The following ACSM4 variants were observed in gnomAD, a reference collection of about 807,000 sequenced individuals.
ACSM4 encodes acyl-coenzyme A synthetase ACSM4, mitochondrial.
A neutral mutation model predicts 73.0 loss-of-function variants in ACSM4; 66 were observed. The ratio of observed to expected loss-of-function variants is 0.90; its 90% CI spans 0.74 to 1.11. The LOEUF is 1.11. Among genes scored for constraint, ACSM4 ranks in the 50% least tolerant of loss-of-function variants. The probability of loss-of-function intolerance (pLI) is 0.00; values close to 1 mark genes in which losing one functional copy is unlikely to be tolerated. For synonymous variants in ACSM4, 222 were observed against 254.0 expected (o/e 0.87, Z 1.20); for missense variants, 645 against 714.4 (o/e 0.90, Z 1.11).
chr12:7,316,671 A>G (rs1946422534), intron 3 of ACSM4, among the ~76,000 whole-genome samples: 1 of 152,240 alleles, frequency 6.6e-6, no homozygotes, highest in Admixed American at 6.5e-5. Flanking sequence ...TGCCGCAGAT[A>G]TTGAAGATAC....
intron 3 of ACSM4, among the ~76,000 whole-genome samples, chr12:7,313,892 A>G (rs947099393): frequency 2.0e-5 from 3 of 152,180 alleles, no homozygotes; most frequent in African/African-American, 7.2e-5. Flanking sequence ...CTTAAAATTG[A>G]CCCTGTAAGC....
At chr12:7,319,786 G>A (rs1469259805) in intron 5 of ACSM4, among the ~76,000 whole-genome samples, 1 of 152,122 alleles carries the variant, frequency 6.6e-6, no homozygotes, top group Admixed American at 6.5e-5. Flanking sequence ...TCTACATCAG[G>A]TTTACAAAGT....
chr12:7,306,676 C>G lies in ACSM4; in HGVS notation c.345C>G (p.Asp115Glu), dbSNP rs199557461. 1 of 1,611,112 alleles carries G rather than the reference C, an allele frequency of 6.2e-7. No individual in the cohort carries two copies. Among genetic ancestry groups the G allele is most frequent in the Non-Finnish European group, 8.5e-7 (1 of 1,178,910 alleles). ...LTKPCGLQRG[D>E]RLAVILPRIP... ...AGCCCTGTGGCCTGCAGAGAGGAGACCGTTTGGCCGTGATTCTGCCCAGAA... is the reference window on the plus strand; with the variant it reads ...AGCCCTGTGGCCTGCAGAGAGGAGAGCGTTTGGCCGTGATTCTGCCCAGAA... The change falls in exon 2 of 13, where the codon GAC becomes GAG. Residue 115 changes from aspartate to glutamate, a missense_variant. Transcript: ENST00000399422.
At chr12:7,305,138 A>C (rs1461121218) in intron 1 of ACSM4, among the ~76,000 whole-genome samples, 1 of 152,212 alleles carries the variant, frequency 6.6e-6, no homozygotes, top group African/African-American at 2.4e-5. Context: ...CTTCCTGTTA[A>C]ATACAGGGGG....
At chr12:7,317,083 G>C in intron 3 of ACSM4, 54 bp from the exon 4 acceptor site, 1 of 1,565,034 alleles carries the variant, frequency 6.4e-7, no homozygotes, top group East Asian at 2.3e-5. Context: ...GGAAATATCA[G>C]AGTCAAACTG....
Position 7,306,562 on chromosome 12 carries a change from G to C in ACSM4, c.231G>C (p.Leu77=). 6.2e-7 allele frequency: 1 copy of C among 1,600,116 alleles called. No homozygotes were observed. The highest frequency in any genetic ancestry group is 8.5e-7 in the Non-Finnish European group (1 of 1,173,366). The change falls in exon 2 of 13, where the codon CTG becomes CTC. Residue 77 remains leucine, a synonymous_variant. Coordinates refer to ENST00000399422, the MANE Select transcript of ACSM4 (RefSeq NM_001080454.2). ...GGGAGAGACCAGCTAACCCAGCCCT[G>C]TGGTGGGTGAATGGCAAAGGGGATG... The part of the protein sequence containing the change: ...KTGERPANPA[L]WWVNGKGDEV...
At position 7,304,424 on chromosome 12, in the gene ACSM4, G is replaced by C. The variant is rs375279754; in HGVS notation, c.93G>C (p.Thr31=). Residue 31 remains threonine (T), a synonymous_variant, in exon 1 of 13, where the codon ACG becomes ACC. Coordinates refer to ENST00000399422, the MANE Select transcript of ACSM4 (RefSeq NM_001080454.2). ...TACACAAAGATCACCAGCTTTGGAC[G>C]CCTCTGACTCTTGCTGACTTTGAAG... ...RRLHKDHQLW[T]PLTLADFEAI... is the part of the protein sequence containing the mutation. 6.2e-7 allele frequency: 1 copy of C among 1,613,828 alleles called. No homozygotes were observed. Among genetic ancestry groups the C allele is most frequent in the African/African-American group, 1.3e-5 (1 of 74,910 alleles).
rs1946434204 is a variant in ACSM4, at chr12:7,318,018, T to C, written c.765-8T>C. The C allele has an allele frequency of 6.2e-7, 1 of 1,609,336 alleles. No homozygotes were observed. The highest frequency in any genetic ancestry group is 8.5e-7 in the Non-Finnish European group (1 of 1,177,574). ...TGGTCTGTTTTGTTGCTTTTTCATA[T>C]CATTTAGGTATTGGCTGGACTTGAA... On this transcript the variant is annotated splice_polypyrimidine_tract_variant and splice_region_variant and intron_variant, in intron 4 of 12. Coordinates refer to ENST00000399422, the MANE Select transcript of ACSM4 (RefSeq NM_001080454.2).
rs775387570 is a variant in ACSM4 at position 7,306,755 on chromosome 12, T to A, written c.412+12T>A. The stretch of plus-strand genomic sequence containing the variant: ...TTGCATACGAACAGGTCAGTGCCAA[T>A]ATTAGCATTCTAAATCACACAAACA... On this transcript the variant is annotated intron_variant, in intron 2 of 12. Transcript: ENST00000399422. The A allele has an allele frequency of 2.8e-5, 44 of 1,597,144 alleles. No individual in the cohort carries two copies. In the Admixed American group the frequency reaches 5.0e-4, roughly 18 times the overall value.
At chr12:7,323,885 T>A (rs986409367) in intron 9 of ACSM4, among the ~76,000 whole-genome samples, 1 of 152,150 alleles carries the variant, frequency 6.6e-6, no homozygotes, top group Admixed American at 6.6e-5. Flanking sequence ...TTTAAAAAAA[T>A]TTAATTTCCA....
At chr12:7,319,472 T>C (rs1442162134) in intron 5 of ACSM4, among the ~76,000 whole-genome samples, 1 of 151,454 alleles carries the variant, frequency 6.6e-6, no homozygotes, top group Non-Finnish European at 1.5e-5. Flanking sequence ...GTGCCTGTAA[T>C]CCCAGCTACT....
chr12:7,310,692 T>C lies in ACSM4; in HGVS notation c.566T>C (p.Leu189Pro). Reference sequence around the variant, plus strand: ...GAGTGTCCTGACCTTAAGACAAAACTCCTGGTGTCTCCACAAAGCTGGAAT... The same window carrying C: ...GAGTGTCCTGACCTTAAGACAAAACCCCTGGTGTCTCCACAAAGCTGGAAT... ...VLECPDLKTK[L>P]LVSPQSWNGW... Residue 189 changes from leucine to proline, a missense_variant, in exon 3 of 13, where the codon CTC (leucine) becomes CCC (proline). Physicochemically the swap from Leu to Pro is moderately conservative, Grantham distance 98. Coordinates refer to ENST00000399422, the MANE Select transcript of ACSM4 (RefSeq NM_001080454.2). The C allele has an allele frequency of 1.2e-6, 2 of 1,613,506 alleles. No homozygotes were observed. Among genetic ancestry groups the C allele is most frequent in the Non-Finnish European group, 8.5e-7 (1 of 1,179,746 alleles).
At position 7,304,168 on chromosome 12, in the gene ACSM4, GAGGTGTTTTTC is replaced by G; in HGVS notation, c.-156_-146del. 1 of 679,098 alleles carries G rather than the reference GAGGTGTTTTTC, an allele frequency of 1.5e-6. No homozygotes were observed. Among genetic ancestry groups the G allele is most frequent in the South Asian group, 1.8e-5 (1 of 54,862 alleles). The allele number at this position is 679,098 out of a possible 1,614,324, so 42.1% of individuals were successfully genotyped here. On this transcript the variant is annotated 5_prime_UTR_variant, in exon 1 of 13. The change abolishes the stop of an existing upstream ORF in the 5' untranslated region. Transcript: ENST00000399422. ...TAAGGCAGCAGCTCTGAGGAAGGATGAGGTGTTTTTCAGGTGTTCCCCAACTTGCCAGGGAC... is the reference window on the plus strand; with the variant it reads ...TAAGGCAGCAGCTCTGAGGAAGGATGAGGTGTTCCCCAACTTGCCAGGGAC...
rs754819483 is a variant in ACSM4 at position 7,323,568 on chromosome 12, G to T, written c.1308+8G>T. 1 of 1,606,584 alleles carries T rather than the reference G, an allele frequency of 6.2e-7. No homozygotes were observed. The highest frequency in any genetic ancestry group is 8.5e-7 in the Non-Finnish European group (1 of 1,173,308). Reference sequence around the variant, plus strand: ...TTCTTCTCTAAATATGTGGTATGAGGATAGAAAGTGCTGGTCATGCTTAAT... The same window carrying T: ...TTCTTCTCTAAATATGTGGTATGAGTATAGAAAGTGCTGGTCATGCTTAAT... On this transcript the variant is annotated splice_region_variant and intron_variant, in intron 9 of 12. Coordinates refer to ENST00000399422, the MANE Select transcript of ACSM4 (RefSeq NM_001080454.2).
intron 9 of ACSM4, 123 bp from the exon 10 acceptor site, chr12:7,324,150 T>A: frequency 8.5e-7 from 1 of 1,180,560 alleles, no homozygotes; most frequent in Non-Finnish European, 1.2e-6. Context: ...AGAGAGACTC[T>A]GTCTCAAAAA....
intron 1 of ACSM4, among the ~76,000 whole-genome samples, chr12:7,305,525 A>G (rs756252583): frequency 5.9e-5 from 9 of 152,272 alleles, no homozygotes; most frequent in African/African-American, 1.2e-4. Flanking sequence ...CCCCATAACA[A>G]CCTGGGAGGT....
In ACSM4 at chr12:7,327,179, T is replaced by C. The variant is rs1361528726; in HGVS notation, c.1656+84T>C. On this transcript the variant is annotated intron_variant, in intron 12 of 12. Coordinates refer to ENST00000399422, the MANE Select transcript of ACSM4 (RefSeq NM_001080454.2). The stretch of plus-strand genomic sequence containing the variant: ...ATTAGATTTTACTGGATTTTGATTT[T>C]ATAGTAGCTCATTATATAGGTAGAA... 7.0e-6 allele frequency: 10 copies of C among 1,421,100 alleles called. No individual in the cohort carries two copies. The African/African-American group carries it at 7.2e-5, about 10-fold the overall frequency. 88.0% of individuals were successfully genotyped at this position (1,421,100 alleles called of 1,614,324 possible). A position where few individuals can be genotyped will look rare whatever the true frequency, so the allele number is the denominator to read the frequency against.
At chr12:7,306,839 ACAG>A in intron 2 of ACSM4, 96 bp downstream of exon 2, 12 of 968,658 alleles carry the variant, frequency 1.2e-5, no homozygotes, top group South Asian at 3.9e-5. Flanking sequence ...AAGTATGCAT[ACAG>A]AAGACAAAAA....
At chr12:7,325,366 G>A (rs1370337128) in intron 11 of ACSM4, among the ~76,000 whole-genome samples, 1 of 152,248 alleles carries the variant, frequency 6.6e-6, no homozygotes, top group Non-Finnish European at 1.5e-5. Context: ...AAAATGGTGG[G>A]CTGGGCACGG....
Sources: gnomAD v4.1 joint callset for allele counts (sites outside exome capture counted in the v4.1 genomes callset) on GRCh38, gnomAD v4.1.1 for gene constraint, MANE v1.5 for transcripts, NCBI Gene and HGNC (gene_info 2026-07-23, HGNC 2026-07-21) for gene names.